Variants in MAP3K13 observed in about 807,000 individuals in gnomAD.
The protein encoded by MAP3K13 is mitogen-activated protein kinase kinase kinase 13.
In MAP3K13, 52 loss-of-function variants were observed where a neutral mutation model predicts 104.0. The ratio of observed to expected loss-of-function variants is 0.50; its 90% CI spans 0.40 to 0.63. The LOEUF is 0.63. MAP3K13 is among the 20% of genes least tolerant of loss of function. MAP3K13 has a pLI of 0.00. For missense variants in MAP3K13, 914 were observed against 1,218.5 expected (o/e 0.75, Z 3.72); for synonymous variants, 394 against 442.2 (o/e 0.89, Z 1.37).
chr3:185,361,861 A>C (rs570336545), upstream of MAP3K13, among the ~76,000 whole-genome samples: 1 of 152,350 alleles, frequency 6.6e-6, no homozygotes, highest in Non-Finnish European at 1.5e-5. Flanking sequence ...TTTGTTAACT[A>C]TGTTGTTTGC....
At chr3:185,399,500 C>T (rs1404594097) in intron 1 of MAP3K13, among the ~76,000 whole-genome samples, 6 of 151,052 alleles carry the variant, frequency 4.0e-5, no homozygotes, top group Non-Finnish European at 5.9e-5. Context: ...CCCAGCTACT[C>T]GGGAGGCTGA....
rs796072667 is a variant in MAP3K13, at chr3:185,453,864, T to TGTG, written c.1278+2469_1278+2470insGTG. ...GATACATATATATGAGATATATATA[T>TGTG]ATGATACATATATATGAGATATATA... On this transcript the variant is annotated intron_variant, in intron 7 of 13. Coordinates refer to ENST00000265026, the MANE Select transcript of MAP3K13 (RefSeq NM_004721.5). Among the ~76,000 whole-genome samples the TGTG allele has an allele frequency of 5.5e-5, 2 of 36,220 alleles. 1 individual carries two copies. The highest frequency in any genetic ancestry group is 1.1e-4 in the African/African-American group (2 of 17,976). 23.8% of individuals were successfully genotyped at this position (36,220 alleles called of 152,430 possible).
chr3:185,351,903 T>C (rs781444591), intron 2 of MAP3K13, among the ~76,000 whole-genome samples: 2 of 152,142 alleles, frequency 1.3e-5, no homozygotes, highest in African/African-American at 2.4e-5. Flanking sequence ...AAGCCCAGGG[T>C]TACTTCTATT....
intron 2 of MAP3K13, among the ~76,000 whole-genome samples, chr3:185,432,908 G>A (rs904766989): frequency 1.3e-5 from 2 of 152,282 alleles, no homozygotes; most frequent in East Asian, 3.9e-4. Flanking sequence ...TGGTGTTGCT[G>A]TGCACCATGA....
intron 1 of MAP3K13, among the ~76,000 whole-genome samples, chr3:185,365,459 G>A (rs1723825402): frequency 6.6e-6 from 1 of 152,200 alleles, no homozygotes; most frequent in African/African-American, 2.4e-5. Flanking sequence ...GTAGATGACA[G>A]AACAACCATA....
At chr3:185,323,126 A>G (rs547408843) in intron 2 of MAP3K13, among the ~76,000 whole-genome samples, 1 of 152,326 alleles carries the variant, frequency 6.6e-6, no homozygotes, top group East Asian at 1.9e-4. Context: ...AAGATAGTAC[A>G]GAAAGTTCCT....
intron 1 of MAP3K13, among the ~76,000 whole-genome samples, chr3:185,392,561 T>C (rs1712125469): frequency 6.6e-6 from 1 of 152,170 alleles, no homozygotes; most frequent in African/African-American, 2.4e-5. Flanking sequence ...GACTGAGAAC[T>C]GCAGGTCAAT....
chr3:185,392,535 G>A (rs1242214655), intron 1 of MAP3K13, among the ~76,000 whole-genome samples: 1 of 152,178 alleles, frequency 6.6e-6, no homozygotes, highest in Admixed American at 6.5e-5. Context: ...TGAATTCAGA[G>A]AACTGAAATG....
In MAP3K13 at chr3:185,475,269, A is replaced by C. The variant is rs547280872; in HGVS notation, c.2430+1508A>C. ...AGGGCCTGGAACGTAGCACTTTTCC[A>C]AAAGTATTAGCTCTTCTTGCTATGA... On this transcript the variant is annotated intron_variant, in intron 11 of 13. Transcript: ENST00000265026. Among the ~76,000 whole-genome samples the C allele has an allele frequency of 1.1e-4, 16 of 152,310 alleles. No homozygotes were observed. In the South Asian group the frequency reaches 3.1e-3, roughly 30 times the overall value.
intron 3 of MAP3K13, 109 bp from the exon 4 acceptor site, chr3:185,443,335 AT>A: frequency 1.4e-6 from 1 of 723,724 alleles, no homozygotes; most frequent in Non-Finnish European, 2.2e-6. Context: ...ATCTATACAC[AT>A]TTTTAAAATA....
At chr3:185,472,908 G>A in intron 10 of MAP3K13, 67 bp from the exon 11 acceptor site, 4 of 1,428,034 alleles carry the variant, frequency 2.8e-6, no homozygotes, top group Non-Finnish European at 2.9e-6. Flanking sequence ...TTAAGTCTTA[G>A]GATACATTTC....
Position 185,473,020 on chromosome 3 carries a change from T to A in MAP3K13, c.1689T>A (p.Ala563=), listed in dbSNP as rs1324859546. 6.2e-7 allele frequency: 1 copy of A among 1,614,130 alleles called. No individual in the cohort carries two copies. Among genetic ancestry groups the A allele is most frequent in the Admixed American group, 1.7e-5 (1 of 60,000 alleles). ...RSEGIPTTEV[A]PTASPLSGSP... is the part of the protein sequence containing the mutation. ...AAGGGATCCCCACCACAGAAGTGGC[T>A]CCCACTGCATCCCCTTTGTCCGGAA... is the stretch of plus-strand genomic sequence containing the variant. Residue 563 remains alanine (A), a synonymous_variant, in exon 11 of 14, where the codon GCT becomes GCA. Coordinates refer to ENST00000265026, the MANE Select transcript of MAP3K13 (RefSeq NM_004721.5). The surrounding 1 kb of genome is among the most constrained non-coding windows in gnomAD (Gnocchi z 4.9).
chr3:185,389,452 G>A (rs1454832293), intron 1 of MAP3K13, among the ~76,000 whole-genome samples: 1 of 151,888 alleles, frequency 6.6e-6, no homozygotes, highest in African/African-American at 2.4e-5. Flanking sequence ...CAAATACTAA[G>A]CCCTGAACAA....
At chr3:185,445,495 C>A (rs1715543878) in intron 4 of MAP3K13, among the ~76,000 whole-genome samples, 1 of 152,198 alleles carries the variant, frequency 6.6e-6, no homozygotes, top group Admixed American at 6.5e-5. Context: ...ATGTAAAGGA[C>A]ATGAACTACC....
intron 5 of MAP3K13, among the ~76,000 whole-genome samples, chr3:185,449,666 C>G (rs1715779043): frequency 6.6e-6 from 1 of 150,926 alleles, no homozygotes; most frequent in South Asian, 2.1e-4. Context: ...TGCTGGTGAT[C>G]TGTTCACACA....
chr3:185,423,347 C>A lies in MAP3K13; in HGVS notation c.-85-5150C>A, dbSNP rs12490248. Among the ~76,000 whole-genome samples, 1 of 152,052 alleles carries A rather than the reference C, an allele frequency of 6.6e-6. No individual in the cohort carries two copies. Among genetic ancestry groups the A allele is most frequent in the Non-Finnish European group, 1.5e-5 (1 of 68,014 alleles). On this transcript the variant is annotated intron_variant, in intron 1 of 13. Coordinates refer to ENST00000265026, the MANE Select transcript of MAP3K13 (RefSeq NM_004721.5). This position sits in a 1 kb window ranked among gnomAD's most constrained non-coding sequence, Gnocchi z 4.1. The stretch of plus-strand genomic sequence containing the variant: ...AAGAGTCCTGGCAGCCAAGGCAGAC[C>A]GGAAGTAACTGCTGAGTCACTGGCT...
rs138526499 is a variant in MAP3K13, at chr3:185,473,419, T to C, written c.2088T>C (p.Pro696=). ...AGAGACAGCTGCCCGGCTCGAGCCC[T>C]GACCTCATCTCCACAGCCATGGCTG... The part of the protein sequence containing the change: ...HAQRQLPGSS[P]DLISTAMAAD... Residue 696 remains proline (P), a synonymous_variant, in exon 11 of 14, where the codon CCT becomes CCC. Coordinates refer to ENST00000265026, the MANE Select transcript of MAP3K13 (RefSeq NM_004721.5). This position sits in a 1 kb window ranked among gnomAD's most constrained non-coding sequence, Gnocchi z 4.9. 1.5e-3 allele frequency: 2,474 copies of C among 1,614,216 alleles called. 28 individuals are homozygous for C. Among genetic ancestry groups the C allele is most frequent in the East Asian group, 5.1e-3 (230 of 44,876 alleles).
intron 1 of MAP3K13, among the ~76,000 whole-genome samples, chr3:185,409,778 C>T (rs1272391878): frequency 1.3e-5 from 2 of 152,154 alleles, no homozygotes; most frequent in African/African-American, 4.8e-5. Flanking sequence ...GGTATATGTA[C>T]ACAATTGAAT....
At chr3:185,475,677 C>G (rs73054861) in intron 11 of MAP3K13, among the ~76,000 whole-genome samples, 2 of 151,794 alleles carry the variant, frequency 1.3e-5, no homozygotes, top group African/African-American at 4.8e-5. Flanking sequence ...TATGGGAAAC[C>G]CTGTCTCTAC....
Sources: allele counts gnomAD v4.1 joint callset (sites outside exome capture counted in the v4.1 genomes callset), GRCh38; gene constraint gnomAD v4.1.1; non-coding constraint Gnocchi (gnomAD v3.1); transcripts MANE v1.5; gene names NCBI Gene and HGNC (gene_info 2026-07-23, HGNC 2026-07-21).